Variants in DLGAP2 observed in about 807,000 individuals in gnomAD.
DLGAP2 encodes the protein DLG associated protein 2.
In DLGAP2, 26 loss-of-function variants were observed where a neutral mutation model predicts 100.3. That is an observed-to-expected ratio of 0.26 (90% CI 0.19 to 0.36). The LOEUF is 0.36. Among genes scored for constraint, DLGAP2 ranks in the 10% least tolerant of loss-of-function variants. The pLI, the probability that DLGAP2 is intolerant of heterozygous loss-of-function variation, is 1.00. For missense variants in DLGAP2, 1,858 were observed against 1,453.2 expected (o/e 1.28, Z -4.53); for synonymous variants, 886 against 630.1 (o/e 1.41, Z -6.08).
At position 1,204,198 on chromosome 8, in the gene DLGAP2, A is replaced by G. The variant is rs543241385; in HGVS notation, c.74-54653A>G. 9.2e-5 allele frequency among the ~76,000 whole-genome samples: 14 copies of G among 152,354 alleles called. No homozygotes were observed. The South Asian group carries it at 1.9e-3, about 20-fold the overall frequency. On this transcript the variant is annotated intron_variant, in intron 2 of 14. Coordinates refer to ENST00000637795, the MANE Select transcript of DLGAP2 (RefSeq NM_001346810.2). ...GGGTAAGTCACACCCATCACAGAAT[A>G]TCAGCGGGTTTTTATCTGCTCCTAC...
intron 3 of DLGAP2, among the ~76,000 whole-genome samples, chr8:1,383,169 G>A (rs1481676451): frequency 1.3e-5 from 2 of 152,100 alleles, no homozygotes; most frequent in African/African-American, 4.8e-5. Flanking sequence ...AATTAAGTTT[G>A]TCAGGTATAT....
chr8:1,320,944 TCTGTGTGTGTGCATGCATCC>T (rs1800884482), intron 3 of DLGAP2, among the ~76,000 whole-genome samples: 1 of 152,180 alleles, frequency 6.6e-6, no homozygotes, highest in Non-Finnish European at 1.5e-5. Context: ...TATACATGTA[TCTGTGTGTGTGCATGCATCC>T]CTGTGCCTCT....
At chr8:1,391,719 A>G (rs1796360183) in intron 3 of DLGAP2, among the ~76,000 whole-genome samples, 1 of 152,202 alleles carries the variant, frequency 6.6e-6, no homozygotes, top group African/African-American at 2.4e-5. Context: ...TCACTCCAGT[A>G]TTTAAGGAGC....
At chr8:1,283,217 C>G (rs1395142566) in intron 3 of DLGAP2, among the ~76,000 whole-genome samples, 1 of 150,944 alleles carries the variant, frequency 6.6e-6, no homozygotes, top group African/African-American at 2.4e-5. Context: ...TGACCTGAAC[C>G]CAGCGCCCTG....
At chr8:1,084,054 A>G (rs1803894875) in intron 2 of DLGAP2, among the ~76,000 whole-genome samples, 1 of 152,208 alleles carries the variant, frequency 6.6e-6, no homozygotes, top group African/African-American at 2.4e-5. Context: ...CTTTTATTTT[A>G]TCTCATTGTT....
At chr8:1,558,858 CACAT>C (rs1802065004) in intron 5 of DLGAP2, among the ~76,000 whole-genome samples, 1 of 130,050 alleles carries the variant, frequency 7.7e-6, no homozygotes, top group Admixed American at 7.6e-5. Context: ...CCTGCACACA[CACAT>C]ACACATATAC....
At chr8:1,482,424 C>A (rs914972483) in intron 3 of DLGAP2, among the ~76,000 whole-genome samples, 1 of 152,248 alleles carries the variant, frequency 6.6e-6, no homozygotes. Flanking sequence ...TGCTGAAAAT[C>A]ATTGCATTTC....
At chr8:1,364,505 G>GGT (rs1563107108) in intron 3 of DLGAP2, among the ~76,000 whole-genome samples, 7 of 150,094 alleles carry the variant, frequency 4.7e-5, no homozygotes, top group African/African-American at 1.7e-4. Flanking sequence ...GGAAGGGCGG[G>GGT]GGGGGTGCAG....
At chr8:872,696 A>G (rs1295503366) in intron 1 of DLGAP2, among the ~76,000 whole-genome samples, 1 of 152,178 alleles carries the variant, frequency 6.6e-6, no homozygotes, top group African/African-American at 2.4e-5. Context: ...TCACCCATTC[A>G]AAGTGTACAA....
rs531743725 is a variant in DLGAP2, at chr8:1,103,803, C to T, written c.74-155048C>T. ...TGATGACTGGCGGGGCCTTGGTTGA[C>T]GGTGATGACTGGCAGGTGTCTGCTG... On this transcript the variant is annotated intron_variant, in intron 2 of 14. Coordinates refer to ENST00000637795, the MANE Select transcript of DLGAP2 (RefSeq NM_001346810.2). 7.3e-4 allele frequency among the ~76,000 whole-genome samples: 111 copies of T among 151,650 alleles called. 1 individual carries two copies. Among genetic ancestry groups the T allele is most frequent in the Admixed American group, 8.5e-4 (13 of 15,220 alleles).
chr8:1,678,378 T>C lies in DLGAP2; in HGVS notation c.2453T>C (p.Val818Ala), dbSNP rs1334854537. 4 of 1,613,798 alleles carry C rather than the reference T, an allele frequency of 2.5e-6. No homozygotes were observed. The highest frequency in any genetic ancestry group is 3.4e-6 in the Non-Finnish European group (4 of 1,179,852). ...EPSTPTQYSA[V>A]RTVRTQGLFS... The stretch of plus-strand genomic sequence containing the variant: ...AGCACCCCCACCCAGTACAGCGCGG[T>C]GAGAACTGTACGGACCCAGGGGCTC... The change falls in exon 12 of 15, where the codon GTG (valine) becomes GCG (alanine). Residue 818 changes from valine (V) to alanine (A), a missense_variant. Val to Ala is a moderately conservative substitution (Grantham distance 64, BLOSUM62 0). Coordinates refer to ENST00000637795, the MANE Select transcript of DLGAP2 (RefSeq NM_001346810.2).
chr8:1,187,771 G>T lies in DLGAP2; in HGVS notation c.74-71080G>T, dbSNP rs1397718771. Among the ~76,000 whole-genome samples the T allele has an allele frequency of 2.5e-5, 3 of 118,000 alleles. 1 individual carries two copies. Among genetic ancestry groups the T allele is most frequent in the Admixed American group, 2.5e-4 (3 of 12,062 alleles). The allele number at this position is 118,000 out of a possible 152,430, so 77.4% of individuals were successfully genotyped here. The stretch of plus-strand genomic sequence containing the variant: ...ACGTTTCCCTCACGGAATCTCACAC[G>T]CCCGGGACCTCTGTGACGTTTGCCT... On this transcript the variant is annotated intron_variant, in intron 2 of 14. Transcript: ENST00000637795.
intron 2 of DLGAP2, among the ~76,000 whole-genome samples, chr8:985,917 C>T (rs1357771905): frequency 2.6e-5 from 4 of 152,030 alleles, no homozygotes; most frequent in Non-Finnish European, 5.9e-5. Context: ...TCTTCCTGGG[C>T]CTCCCTCCCT....
chr8:1,701,279 G>A lies in DLGAP2; in HGVS notation c.3041G>A (p.Arg1014Lys), dbSNP rs773227672. The change falls in exon 15 of 15, where the codon AGA becomes AAA. Residue 1014 changes from arginine (R) to lysine (K), a missense_variant. By Grantham distance (26) the Arg-to-Lys change is conservative (BLOSUM62 2). Coordinates refer to ENST00000637795, the MANE Select transcript of DLGAP2 (RefSeq NM_001346810.2). ...TREKSLDLPD[R>K]QRQEARRRLM... ...GAAAAATCCCTGGACCTGCCCGACA[G>A]ACAACGCCAGGAAGCCCGGAGGCGC... 12 of 1,584,448 alleles carry A rather than the reference G, an allele frequency of 7.6e-6. No individual in the cohort carries two copies. In the South Asian group the frequency reaches 1.4e-4, roughly 18 times the overall value.
At chr8:1,062,793 G>T (rs1803126041) in intron 2 of DLGAP2, among the ~76,000 whole-genome samples, 1 of 152,110 alleles carries the variant, frequency 6.6e-6, no homozygotes, top group Non-Finnish European at 1.5e-5. Context: ...AGGAGGCTTT[G>T]GGGGAAAAGC....
intron 3 of DLGAP2, among the ~76,000 whole-genome samples, chr8:1,496,642 C>G (rs1345806300): frequency 1.3e-5 from 2 of 152,162 alleles, no homozygotes; most frequent in African/African-American, 2.4e-5. Context: ...CACAGACCCT[C>G]TCAGATCCAC....
chr8:1,520,515 G>C lies in DLGAP2; in HGVS notation c.172+19084G>C, dbSNP rs111938342. 6.3e-3 allele frequency among the ~76,000 whole-genome samples: 964 copies of C among 152,250 alleles called. 3 individuals are homozygous for C. The highest frequency in any genetic ancestry group is 0.015 in the South Asian group (74 of 4,826). ...TGTGGGTTTGGACGAGTGTTTAATG[G>C]TGTGGACTCCCCACTGCCACCTCAC... is the stretch of plus-strand genomic sequence containing the variant. On this transcript the variant is annotated intron_variant, in intron 4 of 14. Coordinates refer to ENST00000637795, the MANE Select transcript of DLGAP2 (RefSeq NM_001346810.2).
chr8:1,282,109 T>C (rs974957818), intron 3 of DLGAP2, among the ~76,000 whole-genome samples: 43 of 77,658 alleles, frequency 5.5e-4, no homozygotes, highest in East Asian at 8.9e-4. Context: ...AACCCAGCAC[T>C]CTGAACCATC....
chr8:1,472,303 C>A (rs1339749177), intron 3 of DLGAP2, among the ~76,000 whole-genome samples: 1 of 152,132 alleles, frequency 6.6e-6, no homozygotes, highest in Non-Finnish European at 1.5e-5. Context: ...GAGGACGCAG[C>A]TGGGAGGGAG....
Sources: gnomAD v4.1 joint callset for allele counts (sites outside exome capture counted in the v4.1 genomes callset) on GRCh38, gnomAD v4.1.1 for gene constraint, MANE v1.5 for transcripts, NCBI Gene and HGNC (gene_info 2026-07-23, HGNC 2026-07-21) for gene names.